Variants in RSRP1 observed in about 807,000 individuals in gnomAD.
RSRP1 encodes arginine/serine-rich protein 1.
A neutral mutation model predicts 33.0 loss-of-function variants in RSRP1; 37 were observed. The ratio of observed to expected loss-of-function variants is 1.12; its 90% CI spans 0.86 to 1.48. RSRP1 has a LOEUF of 1.48. Among genes scored for constraint, RSRP1 ranks in the 40% most tolerant of loss-of-function variants. The pLI is 0.00. For missense variants in RSRP1, 402 were observed against 385.3 expected (o/e 1.04, Z -0.36); for synonymous variants, 167 against 158.7 (o/e 1.05, Z -0.40).
At chr1:25,290,403 A>C (rs1642387791) in intron 1 of RSRP1, among the ~76,000 whole-genome samples, 1 of 125,828 alleles carries the variant, frequency 7.9e-6, no homozygotes, top group African/African-American at 2.7e-5. Context: ...AGAGTGGTTA[A>C]GTCATCTGCC....
At chr1:25,307,423 A>T (rs1643906525) in intron 1 of RSRP1, among the ~76,000 whole-genome samples, 2 of 132,384 alleles carry the variant, frequency 1.5e-5, no homozygotes, top group Admixed American at 1.5e-4. Flanking sequence ...AAAATGAAAA[A>T]GTGAATTGGG....
chr1:25,243,462 C>T, intron 4 of RSRP1, 88 bp downstream of exon 4: 1 of 1,510,824 alleles, frequency 6.6e-7, no homozygotes. Context: ...AGTAGGCCCC[C>T]AACTATCACC....
In RSRP1 at chr1:25,260,323, A is replaced by G. The variant is rs180821351; in HGVS notation, c.-66-13294T>C. On this transcript the variant is annotated intron_variant, in intron 1 of 1. Transcript: ENST00000561867. Reference sequence around the variant, plus strand: ...AGTTTTCACTTACATAAATGTAGTTACATACAGAAAATGTGACTGTGAATT... The same window carrying G: ...AGTTTTCACTTACATAAATGTAGTTGCATACAGAAAATGTGACTGTGAATT... Among the ~76,000 whole-genome samples, 333 of 152,374 alleles carry G rather than the reference A, an allele frequency of 2.2e-3. 4 individuals are homozygous for G. Among genetic ancestry groups the G allele is most frequent in the Admixed American group, 0.019 (293 of 15,308 alleles).
At position 25,322,001 on chromosome 1, in the gene RSRP1, G is replaced by A. The variant is rs1213876009; in HGVS notation, c.-67+15977C>T. ...CCTATTAACGTGATAGATTTTGAGT[G>A]CATGAACTTAAAAACATACCTGAGT... On this transcript the variant is annotated intron_variant, in intron 1 of 1. Coordinates refer to the RSRP1 transcript ENST00000561867. 5 of 1,022,038 alleles carry A rather than the reference G, an allele frequency of 4.9e-6. No individual in the cohort carries two copies. In the Admixed American group the frequency reaches 7.3e-5, roughly 15 times the overall value. 63.3% of individuals were successfully genotyped at this position (1,022,038 alleles called of 1,614,324 possible). A position where few individuals can be genotyped will look rare whatever the true frequency, so the allele number is the denominator to read the frequency against.
chr1:25,334,132 C>T lies in RSRP1; in HGVS notation c.-67+3846G>A, dbSNP rs112546031. ...CTGAGACAAGGCAAGTCCTTTCCATCTATGAGCCTATAAAATCCAAAGCAA... is the reference window on the plus strand; with the variant it reads ...CTGAGACAAGGCAAGTCCTTTCCATTTATGAGCCTATAAAATCCAAAGCAA... On this transcript the variant is annotated intron_variant, in intron 1 of 1. Coordinates refer to the RSRP1 transcript ENST00000561867. Among the ~76,000 whole-genome samples the T allele has an allele frequency of 1.5e-3, 197 of 132,036 alleles. 12 individuals carry two copies. In the East Asian group the frequency reaches 0.032, roughly 21 times the overall value. The allele number at this position is 132,036 out of a possible 152,430, so 86.6% of individuals were successfully genotyped here.
At chr1:25,283,547 T>A (rs78992566) in intron 1 of RSRP1, among the ~76,000 whole-genome samples, 2 of 129,158 alleles carry the variant, frequency 1.5e-5, no homozygotes, top group African/African-American at 2.7e-5. Context: ...AAAAAAAAAA[T>A]CTTAGCTCTA....
chr1:25,284,538 C>A (rs1274746677), intron 1 of RSRP1: 1 of 1,380,942 alleles, frequency 7.2e-7, no homozygotes, highest in African/African-American at 1.4e-5. Flanking sequence ...CGTCTGCTTC[C>A]CCCTCGTCCT....
intron 1 of RSRP1, among the ~76,000 whole-genome samples, chr1:25,292,264 T>C (rs1642573704): frequency 2.3e-5 from 3 of 132,166 alleles, no homozygotes; most frequent in Admixed American, 2.2e-4. Context: ...CTAGGGAGTG[T>C]TGGGCAGAGG....
chr1:25,307,853 C>T (rs1164390469), intron 1 of RSRP1: 2 of 1,291,776 alleles, frequency 1.5e-6, no homozygotes, highest in Admixed American at 2.1e-5. Flanking sequence ...AGGGGATGAG[C>T]TGTGTGAAGC....
chr1:25,330,953 CTTTTTTTTTTTTTTT>C (rs71014353), intron 1 of RSRP1, among the ~76,000 whole-genome samples: 2 of 34,698 alleles, frequency 5.8e-5, no homozygotes, highest in South Asian at 3.0e-3. Context: ...TGTCATCTTC[CTTTTTTTTTTTTTTT>C]TTTTTTTTTT....
chr1:25,243,467 A>G (rs1639059239), intron 4 of RSRP1, 83 bp downstream of exon 4: 2 of 1,529,778 alleles, frequency 1.3e-6, no homozygotes, highest in Non-Finnish European at 1.8e-6. Flanking sequence ...GCCCCCAACT[A>G]TCACCACAAA....
Position 25,331,716 on chromosome 1 carries a change from C to T in RSRP1, c.-67+6262G>A, listed in dbSNP as rs1400384099. Among the ~76,000 whole-genome samples, 8 of 118,846 alleles carry T rather than the reference C, an allele frequency of 6.7e-5. 1 individual carries two copies. Among genetic ancestry groups the T allele is most frequent in the Non-Finnish European group, 5.9e-5 (3 of 50,580 alleles). The allele number at this position is 118,846 out of a possible 152,430, so 78.0% of individuals were successfully genotyped here. On this transcript the variant is annotated intron_variant, in intron 1 of 1. Coordinates refer to the RSRP1 transcript ENST00000561867. ...CCGAGTAGCTGGGACTACAGGCGTC[C>T]GCCAAGATGCCCAGCTAATTTTTTT...
intron 1 of RSRP1, among the ~76,000 whole-genome samples, chr1:25,332,646 C>A (rs1571784555): frequency 7.6e-6 from 1 of 132,124 alleles, no homozygotes; most frequent in South Asian, 2.3e-4. Context: ...CAACTTTGAG[C>A]CTAAGATACA....
At chr1:25,279,170 A>G (rs2124602807) in intron 1 of RSRP1, among the ~76,000 whole-genome samples, 1 of 124,996 alleles carries the variant, frequency 8.0e-6, no homozygotes, top group East Asian at 2.0e-4. Context: ...GTCTCTTTGC[A>G]ACAGGCCTGG....
chr1:25,272,992 T>C (rs1377506187), intron 1 of RSRP1, among the ~76,000 whole-genome samples: 1 of 132,558 alleles, frequency 7.5e-6, no homozygotes, highest in Non-Finnish European at 1.8e-5. Flanking sequence ...AATTCTCTGC[T>C]TCTCTGCTTC....
chr1:25,301,000 C>G lies in RSRP1; in HGVS notation c.-67+36978G>C, dbSNP rs139508538. On this transcript the variant is annotated intron_variant, in intron 1 of 1. Transcript: ENST00000561867. Reference sequence around the variant, plus strand: ...CTACGTGTTCGCAGCCTATTTTGGGCTGTCTGTGGCCTGGTGCCTGCCAAA... The same window carrying G: ...CTACGTGTTCGCAGCCTATTTTGGGGTGTCTGTGGCCTGGTGCCTGCCAAA... The G allele has an allele frequency of 1.2e-5, 17 of 1,378,702 alleles. 5 individuals carry two copies. Among genetic ancestry groups the G allele is most frequent in the Admixed American group, 8.9e-5 (5 of 56,256 alleles). 85.4% of individuals were successfully genotyped at this position (1,378,702 alleles called of 1,614,324 possible). A position where few individuals can be genotyped will look rare whatever the true frequency, so the allele number is the denominator to read the frequency against.
upstream of RSRP1, among the ~76,000 whole-genome samples, chr1:25,250,984 G>C (rs1639760032): frequency 6.6e-6 from 1 of 151,894 alleles, no homozygotes; most frequent in South Asian, 2.1e-4. Flanking sequence ...ACTTCAGCCT[G>C]GGCAACACAG....
intron 1 of RSRP1, among the ~76,000 whole-genome samples, chr1:25,278,888 C>G (rs1378716045): frequency 7.8e-6 from 1 of 128,348 alleles, no homozygotes; most frequent in Non-Finnish European, 1.8e-5. Context: ...AGGCTGTGGG[C>G]GAGGAGGTGG....
chr1:25,244,104 C>A, intron 3 of RSRP1: 1 of 1,255,732 alleles, frequency 8.0e-7, no homozygotes, highest in Admixed American at 2.8e-5. Flanking sequence ...GCTCTGTCAC[C>A]CAGGCTGGAG....
Sources: allele counts gnomAD v4.1 joint callset (sites outside exome capture counted in the v4.1 genomes callset), GRCh38; gene constraint gnomAD v4.1.1; transcripts MANE v1.5; gene names NCBI Gene and HGNC (gene_info 2026-07-23, HGNC 2026-07-21).